SLC16A6: variants seen among roughly 807,000 people sequenced by gnomAD.
SLC16A6 encodes solute carrier family 16 member 6.
SLC16A6 carries 15 observed loss-of-function variants against 33.8 expected under a neutral mutation model. The ratio of observed to expected loss-of-function variants is 0.44; its 90% confidence interval spans 0.30 to 0.68. SLC16A6 has a LOEUF of 0.68. Among genes scored for constraint, SLC16A6 ranks in the 30% least tolerant of loss-of-function variants. The probability of loss-of-function intolerance (pLI) is 0.10; values close to 1 mark genes in which losing one functional copy is unlikely to be tolerated. For missense variants in SLC16A6, 451 were observed against 661.5 expected (o/e 0.68, Z 3.49); for synonymous variants, 219 against 248.4 (o/e 0.88, Z 1.11).
rs1555753742 is a variant in SLC16A6, at chr17:68,284,147, C to T, written c.-7-5820G>A. ...AAAAGCTGGGCGCAGTGGCTCATGC[C>T]TGTAATCCTTTGGGAGGCCAAGGTA... is the stretch of plus-strand genomic sequence containing the variant. On this transcript the variant is annotated intron_variant, in intron 1 of 5. Transcript: ENST00000580666. Among the ~76,000 whole-genome samples, 4 of 150,606 alleles carry T rather than the reference C, an allele frequency of 2.7e-5. No homozygotes were observed. In the South Asian group the frequency reaches 8.4e-4, roughly 32 times the overall value.
At chr17:68,285,698 G>A (rs1350619598) in intron 1 of SLC16A6, 1 of 152,114 alleles carries the variant, frequency 6.6e-6, no homozygotes, top group Admixed American at 6.6e-5. Flanking sequence ...AAACTCCTGG[G>A]CTCAAGTGAC....
upstream of SLC16A6, chr17:68,291,193 T>G (rs1390779546): frequency 6.6e-6 from 1 of 151,806 alleles, no homozygotes; most frequent in Non-Finnish European, 1.5e-5. Context: ...GATTAACCCC[T>G]TAGGGGGCGG....
In SLC16A6 at chr17:68,269,301, G is replaced by A. The variant is rs782673613; in HGVS notation, c.1367C>T (p.Ser456Phe). The A allele has an allele frequency of 1.6e-6, 2 of 1,284,398 alleles. No individual in the cohort carries two copies. The highest frequency in any genetic ancestry group is 1.7e-5 in the African/African-American group (1 of 57,890). 79.6% of individuals were successfully genotyped at this position (1,284,398 alleles called of 1,614,324 possible). Residue 456 changes from serine to phenylalanine, a missense_variant, in exon 6 of 6, where the codon TCC becomes TTC. By Grantham distance (155) the Ser-to-Phe change is radical. Around this residue, in one of 2 missense-constraint regions of SLC16A6, gnomAD observed 46 missense variants for 150.8 expected, o/e 0.31. Transcript: ENST00000580666. ...AGCCAGGGCCATGCCAGCTGCGCAGGAGTAGAAGGCCCTGCTGTAGATCTT... is the reference window on the plus strand; with the variant it reads ...AGCCAGGGCCATGCCAGCTGCGCAGAAGTAGAAGGCCCTGCTGTAGATCTT... ...QSKIYSRAFY[S>F]CAAGMALAAV...
Position 68,267,597 on chromosome 17 carries a change from G to T in SLC16A6, c.*1499C>A, listed in dbSNP as rs1367188045. On this transcript the variant is annotated 3_prime_UTR_variant, in exon 6 of 6. Coordinates refer to ENST00000580666, the MANE Select transcript of SLC16A6 (RefSeq NM_004694.5). ...GTTGTCATAAATTAACATTAACGAT[G>T]AATAAAGATGGAGCAGCAAGCATTG... 6.6e-6 allele frequency: 1 copy of T among 152,200 alleles called. No individual in the cohort carries two copies. The highest frequency in any genetic ancestry group is 1.5e-5 in the Non-Finnish European group (1 of 68,040). The allele number at this position is 152,200 out of a possible 1,614,324, so 9.4% of individuals were successfully genotyped here. A position where few individuals can be genotyped will look rare whatever the true frequency, so the allele number is the denominator to read the frequency against.
In SLC16A6 at chr17:68,274,069, A is replaced by T. The variant is rs781891873; in HGVS notation, c.234T>A (p.Ala78=). ...GATTGCTCAGGACTGTGGCGAGGGGAGCTGCCGGGAAAGAACAAAACGATA... is the reference window on the plus strand; with the variant it reads ...GATTGCTCAGGACTGTGGCGAGGGGTGCTGCCGGGAAAGAACAAAACGATA... The part of the protein sequence containing the change: ...SICVFVLTFS[A]PLATVLSNRF... The change falls in exon 3 of 6, where the codon GCT becomes GCA. Residue 78 remains alanine, a splice_region_variant and synonymous_variant. Coordinates refer to ENST00000580666, the MANE Select transcript of SLC16A6 (RefSeq NM_004694.5). 6.2e-7 allele frequency: 1 copy of T among 1,611,636 alleles called. No homozygotes were observed. Among genetic ancestry groups the T allele is most frequent in the Non-Finnish European group, 8.5e-7 (1 of 1,178,292 alleles).
chr17:68,271,216 A>C lies in SLC16A6; in HGVS notation c.944T>G (p.Ile315Ser), dbSNP rs782234985. The C allele has an allele frequency of 6.2e-6, 10 of 1,613,976 alleles. No homozygotes were observed. The highest frequency in any genetic ancestry group is 7.6e-6 in the Non-Finnish European group (9 of 1,180,042). ...GCCCAGACTAATGCCCAGAGGAATG[A>C]TGTACAAGGAAGGTGCAAAGAATCC... is the stretch of plus-strand genomic sequence containing the variant. ...TLGFFAPSLY[I>S]IPLGISLGID... Residue 315 changes from isoleucine to serine, a missense_variant, in exon 5 of 6, where the codon ATC becomes AGC. By Grantham distance (142) the Ile-to-Ser change is moderately radical (BLOSUM62 -2). Transcript: ENST00000580666. The surrounding 1 kb of genome is among the most constrained non-coding windows in gnomAD (Gnocchi z 5.3).
Position 68,269,053 on chromosome 17 carries a change from C to A in SLC16A6, c.*43G>T. On this transcript the variant is annotated 3_prime_UTR_variant, in exon 6 of 6. Transcript: ENST00000580666. ...TGTGTCCCCGTTGGGCCCACCCCAT[C>A]CCTCTCCAGCCAACACAGTGGCTGT... 6.3e-7 allele frequency: 1 copy of A among 1,589,264 alleles called. No individual in the cohort carries two copies. The highest frequency in any genetic ancestry group is 8.6e-7 in the Non-Finnish European group (1 of 1,168,162).
Position 68,269,097 on chromosome 17 carries a change from C to T in SLC16A6, c.1571G>A (p.Ter524=). 1 of 1,525,576 alleles carries T rather than the reference C, an allele frequency of 6.6e-7. No individual in the cohort carries two copies. The highest frequency in any genetic ancestry group is 1.8e-4 in the Middle Eastern group (1 of 5,616). The allele number at this position is 1,525,576 out of a possible 1,614,324, so 94.5% of individuals were successfully genotyped here. The change falls in exon 6 of 6, where the codon TGA becomes TAA. Residue 524 remains the stop codon, a stop_retained_variant. Transcript: ENST00000580666. The part of the protein sequence containing the change: ...HRVHVQMEPV[*] ...TGGCTGTTGTTGTAAGAAAGTGTGT[C>T]ATACCGGCTCCATTTGCACGTGAAC...
chr17:68,272,330 A>G (rs557205591), intron 4 of SLC16A6, among the ~76,000 whole-genome samples: 13 of 152,324 alleles, frequency 8.5e-5, no homozygotes. Flanking sequence ...TCTTTTGAAA[A>G]ACGAGAGGAC....
At chr17:68,280,918 C>T (rs1008119940) in intron 1 of SLC16A6, among the ~76,000 whole-genome samples, 1 of 151,942 alleles carries the variant, frequency 6.6e-6, no homozygotes, top group African/African-American at 2.4e-5. Context: ...TGAGCTAAGG[C>T]GTTTGAGACC....
At chr17:68,274,133 A>G (rs1450984283) in intron 2 of SLC16A6, 63 bp from the exon 3 acceptor site, 4 of 1,551,294 alleles carry the variant, frequency 2.6e-6, no homozygotes, top group African/African-American at 1.4e-5. Context: ...CTGCCATAAG[A>G]CTCCTTCCTC....
chr17:68,283,712 T>TA (rs1206535189), intron 1 of SLC16A6, among the ~76,000 whole-genome samples: 32 of 145,026 alleles, frequency 2.2e-4, no homozygotes, highest in African/African-American at 4.8e-4. Flanking sequence ...CTGTCTCTAC[T>TA]AAAAAAAAAT....
In SLC16A6 at chr17:68,291,119, G is replaced by T. The variant is rs1370197428; in HGVS notation, c.-41C>A. 3.3e-5 allele frequency: 5 copies of T among 152,116 alleles called. No individual in the cohort carries two copies. Among genetic ancestry groups the T allele is most frequent in the South Asian group, 2.1e-4 (1 of 4,832 alleles). The allele number at this position is 152,116 out of a possible 1,614,324, so 9.4% of individuals were successfully genotyped here. A position where few individuals can be genotyped will look rare whatever the true frequency, so the allele number is the denominator to read the frequency against. ...AAGGGAAGAGAATAAACCCCCAAAG[G>T]CTCCCAATAAGGCGGAGGCTTGGCC... On this transcript the variant is annotated 5_prime_UTR_variant, in exon 1 of 6. Coordinates refer to ENST00000580666, the MANE Select transcript of SLC16A6 (RefSeq NM_004694.5).
At chr17:68,280,423 T>C (rs2075658282) in intron 1 of SLC16A6, among the ~76,000 whole-genome samples, 2 of 152,108 alleles carry the variant, frequency 1.3e-5, no homozygotes. Context: ...AACAGCATGG[T>C]ACTGGCATAA....
intron 2 of SLC16A6, among the ~76,000 whole-genome samples, chr17:68,276,168 A>T (rs2145029944): frequency 6.6e-6 from 1 of 150,892 alleles, no homozygotes; most frequent in South Asian, 2.1e-4. Flanking sequence ...ATCTCAGCTC[A>T]CTGCAACCTC....
In SLC16A6 at chr17:68,271,608, G is replaced by C; in HGVS notation, c.552C>G (p.Leu184=). 1 of 1,614,010 alleles carries C rather than the reference G, an allele frequency of 6.2e-7. No individual in the cohort carries two copies. The highest frequency in any genetic ancestry group is 1.6e-4 in the Middle Eastern group (1 of 6,062). Residue 184 remains leucine, a synonymous_variant, in exon 5 of 6, where the codon CTC becomes CTG. Coordinates refer to ENST00000580666, the MANE Select transcript of SLC16A6 (RefSeq NM_004694.5). The surrounding 1 kb of genome is among the most constrained non-coding windows in gnomAD (Gnocchi z 5.3). The part of the protein sequence containing the change: ...KERIGWRYSL[L]FVGLLQLNIV... Reference sequence around the variant, plus strand: ...TGTTTAACTGTAGTAGGCCCACGAAGAGGAGGCTGTATCTCCAGCCAATGC... The same window carrying C: ...TGTTTAACTGTAGTAGGCCCACGAACAGGAGGCTGTATCTCCAGCCAATGC...
chr17:68,276,097 CTTT>C (rs1295936506), intron 2 of SLC16A6, among the ~76,000 whole-genome samples: 1 of 151,896 alleles, frequency 6.6e-6, no homozygotes, highest in Non-Finnish European at 1.5e-5. Context: ...CTCTCTCTCT[CTTT>C]TTTTATTTTT....
At chr17:68,274,961 G>A (rs1207724739) in intron 2 of SLC16A6, among the ~76,000 whole-genome samples, 3 of 152,100 alleles carry the variant, frequency 2.0e-5, no homozygotes, top group Admixed American at 6.6e-5. Flanking sequence ...TGTATTTTTA[G>A]TAGAGATGGG....
At chr17:68,285,884 C>T (rs1235290157) in intron 1 of SLC16A6, among the ~76,000 whole-genome samples, 8 of 152,044 alleles carry the variant, frequency 5.3e-5, no homozygotes, top group African/African-American at 1.9e-4. Flanking sequence ...GTCAGCCTCC[C>T]AAGTAGCTGG....
Sources: gnomAD v4.1 joint callset for allele counts (sites outside exome capture counted in the v4.1 genomes callset) on GRCh38, gnomAD v4.1.1 for gene constraint, gnomAD v4.1.1 regional missense constraint, Gnocchi (gnomAD v3.1) non-coding constraint, MANE v1.5 for transcripts, NCBI Gene and HGNC (gene_info 2026-07-23, HGNC 2026-07-21) for gene names.